MACROD2: variants seen among roughly 807,000 people sequenced by gnomAD.
MACROD2 encodes mono-ADP ribosylhydrolase 2, also known as ADP-ribose glycohydrolase MACROD2.
Under a neutral mutation model 70.4 loss-of-function variants are expected in MACROD2, and 36 were observed. The ratio of observed to expected loss-of-function variants is 0.51; its 90% CI spans 0.39 to 0.68. The LOEUF (loss-of-function observed/expected upper bound fraction) is 0.68. MACROD2 is among the 30% of genes least tolerant of loss of function. MACROD2 has a pLI of 0.00. For synonymous variants in MACROD2, 172 were observed against 178.8 expected, an observed-to-expected ratio of 0.96 and a Z score of 0.30; for missense variants, 496 against 538.4, an observed-to-expected ratio of 0.92 and a Z score of 0.78.
intron 4 of MACROD2, among the ~76,000 whole-genome samples, chr20:14,551,919 T>G (rs1045259870): frequency 6.6e-6 from 1 of 152,170 alleles, no homozygotes; most frequent in Non-Finnish European, 1.5e-5. Flanking sequence ...TGTAGTTATT[T>G]TGAAGGTAAA....
chr20:15,317,482 A>AATCTAATCTATCT (rs1555804024), intron 6 of MACROD2, among the ~76,000 whole-genome samples: 3 of 145,758 alleles, frequency 2.1e-5, no homozygotes, highest in Non-Finnish European at 4.5e-5. Context: ...CCATCCATCT[A>AATCTAATCTATCT]ATCTATCTAT....
chr20:15,934,238 T>G (rs1035824593), intron 11 of MACROD2, among the ~76,000 whole-genome samples: 2 of 152,220 alleles, frequency 1.3e-5, no homozygotes, highest in Non-Finnish European at 2.9e-5. Context: ...GCTGAACTCT[T>G]GGAATTAAAC....
At chr20:15,503,470 A>G (rs534483829) in intron 8 of MACROD2, among the ~76,000 whole-genome samples, 97 of 152,356 alleles carry the variant, frequency 6.4e-4, no homozygotes, top group African/African-American at 2.2e-3. Context: ...AAAAAGGAAT[A>G]TAGTCAAACT....
intron 7 of MACROD2, among the ~76,000 whole-genome samples, chr20:15,442,864 C>T (rs76716628): frequency 2.6e-5 from 4 of 152,086 alleles, no homozygotes; most frequent in East Asian, 1.9e-4. Flanking sequence ...ATAGCATATA[C>T]TTTATTAAAA....
At chr20:14,099,277 CAA>C (rs970016649) in intron 3 of MACROD2, among the ~76,000 whole-genome samples, 2 of 138,128 alleles carry the variant, frequency 1.4e-5, no homozygotes, top group Non-Finnish European at 3.2e-5. Flanking sequence ...CACTCCATTT[CAA>C]AAAAAAAAAA....
intron 5 of MACROD2, among the ~76,000 whole-genome samples, chr20:15,057,162 C>T (rs1210205250): frequency 6.6e-6 from 1 of 152,168 alleles, no homozygotes. Context: ...CGATAAATTA[C>T]ATAGCCATGC....
chr20:15,265,086 G>T (rs1601322010), intron 6 of MACROD2, among the ~76,000 whole-genome samples: 1 of 152,166 alleles, frequency 6.6e-6, no homozygotes, highest in East Asian at 1.9e-4. Context: ...GCAGCACCTG[G>T]AGAAAACTGT....
intron 3 of MACROD2, among the ~76,000 whole-genome samples, chr20:14,490,361 T>A (rs768308594): frequency 3.9e-5 from 6 of 152,226 alleles, no homozygotes; most frequent in Non-Finnish European, 5.9e-5. Context: ...TTTCACTTTG[T>A]AAACAGTAAA....
intron 3 of MACROD2, among the ~76,000 whole-genome samples, chr20:14,328,701 T>G (rs1019898601): frequency 6.6e-6 from 1 of 152,140 alleles, no homozygotes; most frequent in Non-Finnish European, 1.5e-5. Context: ...TCTTCACCGT[T>G]TATTCAAGTA....
intron 4 of MACROD2, among the ~76,000 whole-genome samples, chr20:14,627,953 A>G (rs1932938): frequency 0.051 from 7,794 of 152,314 alleles, 508 homozygotes; most frequent in South Asian, 0.26. Context: ...TTAATAGAAC[A>G]TAATGTGGGA....
intron 5 of MACROD2, among the ~76,000 whole-genome samples, chr20:14,687,888 T>A (rs768714099): frequency 1.3e-5 from 2 of 152,244 alleles, no homozygotes; most frequent in African/African-American, 4.8e-5. Flanking sequence ...ATGGTAATAA[T>A]AGCTTACATT....
At chr20:15,638,413 A>G (rs1316552867) in intron 8 of MACROD2, among the ~76,000 whole-genome samples, 1 of 152,232 alleles carries the variant, frequency 6.6e-6, no homozygotes. Flanking sequence ...GCTTGGAATG[A>G]AGAAAGAAAT....
chr20:14,832,479 C>T (rs764339852), intron 5 of MACROD2, among the ~76,000 whole-genome samples: 2 of 151,882 alleles, frequency 1.3e-5, no homozygotes, highest in Admixed American at 6.6e-5. Context: ...ATCTTCTGTT[C>T]TGATGCAACC....
chr20:14,474,119 G>T (rs2123053614), intron 3 of MACROD2, among the ~76,000 whole-genome samples: 1 of 151,834 alleles, frequency 6.6e-6, no homozygotes, highest in East Asian at 1.9e-4. Context: ...CATTTTGCCA[G>T]TTTGTCTGTT....
chr20:14,131,710 A>C (rs2054720344), intron 3 of MACROD2, among the ~76,000 whole-genome samples: 1 of 152,158 alleles, frequency 6.6e-6, no homozygotes, highest in African/African-American at 2.4e-5. Context: ...GGTGTGTTTC[A>C]TGTCCTTTGG....
intron 6 of MACROD2, among the ~76,000 whole-genome samples, chr20:15,421,021 G>A (rs2046220596): frequency 6.6e-6 from 1 of 152,116 alleles, no homozygotes. Context: ...TTCAGTTTGA[G>A]GCCAAAGTGA....
intron 3 of MACROD2, among the ~76,000 whole-genome samples, chr20:14,169,925 G>A (rs1196682295): frequency 3.3e-5 from 5 of 151,486 alleles, no homozygotes; most frequent in South Asian, 2.1e-4. Flanking sequence ...ACAGAGTCTC[G>A]CTCTGTCGCC....
chr20:14,592,978 T>C (rs527770540), intron 4 of MACROD2, among the ~76,000 whole-genome samples: 67 of 152,164 alleles, frequency 4.4e-4, no homozygotes, highest in Non-Finnish European at 8.7e-4. Flanking sequence ...ATATTAAGTC[T>C]ACATTAGGCC....
At chr20:15,159,412 T>C (rs1039822431) in intron 5 of MACROD2, among the ~76,000 whole-genome samples, 32 of 152,132 alleles carry the variant, frequency 2.1e-4, no homozygotes, top group Non-Finnish European at 2.6e-4. Flanking sequence ...CTTGGAATTT[T>C]CTATCTTGGT....
Sources: allele counts gnomAD v4.1 joint callset (sites outside exome capture counted in the v4.1 genomes callset), GRCh38; gene constraint gnomAD v4.1.1; transcripts MANE v1.5; gene names NCBI Gene and HGNC (gene_info 2026-07-23, HGNC 2026-07-21).